Variants in KAZN observed in about 807,000 individuals in gnomAD.
KAZN encodes the protein kazrin.
In KAZN, 40 loss-of-function variants were observed where a neutral mutation model predicts 87.4. The ratio of observed to expected loss-of-function variants is 0.46; its 90% CI spans 0.36 to 0.60. The LOEUF is 0.60. Among genes scored for constraint, KAZN ranks in the 20% least tolerant of loss-of-function variants. KAZN has a pLI of 0.00. For missense variants in KAZN, 898 were observed against 1,073.9 expected (o/e 0.84, Z 2.29); for synonymous variants, 466 against 458.3 (o/e 1.02, Z -0.22).
At chr1:14,368,506 A>G (rs1315779775) in intron 2 of KAZN, among the ~76,000 whole-genome samples, 1 of 152,194 alleles carries the variant, frequency 6.6e-6, no homozygotes, top group East Asian at 1.9e-4. Context: ...CAGCTTTCAC[A>G]ATTTACACAT....
intron 1 of KAZN, among the ~76,000 whole-genome samples, chr1:14,046,794 A>T (rs903378552): frequency 6.6e-6 from 1 of 152,248 alleles, no homozygotes; most frequent in Admixed American, 6.5e-5. Flanking sequence ...TCTCAAGGTC[A>T]TCTGGCAGCA....
At chr1:14,260,896 G>A (rs1223678557) in intron 2 of KAZN, among the ~76,000 whole-genome samples, 1 of 152,136 alleles carries the variant, frequency 6.6e-6, no homozygotes, top group Non-Finnish European at 1.5e-5. Flanking sequence ...TTGAAATGAG[G>A]CAGACGGCCT....
intron 1 of KAZN, among the ~76,000 whole-genome samples, chr1:14,706,357 T>C (rs1328242299): frequency 2.0e-5 from 3 of 152,106 alleles, no homozygotes; most frequent in African/African-American, 7.2e-5. Flanking sequence ...GGAAAACCTG[T>C]CTTCCATGAA....
At chr1:14,928,868 C>T (rs1007063375) in intron 1 of KAZN, among the ~76,000 whole-genome samples, 1 of 152,158 alleles carries the variant, frequency 6.6e-6, no homozygotes, top group African/African-American at 2.4e-5. Context: ...TGGTCCGGCA[C>T]CCTCTGCCCT....
intron 1 of KAZN, among the ~76,000 whole-genome samples, chr1:14,009,160 G>C (rs188798787): frequency 2.0e-5 from 3 of 152,300 alleles, no homozygotes; most frequent in African/African-American, 7.2e-5. Context: ...TTCTAAGGCT[G>C]AATAATATTC....
chr1:14,330,236 C>T (rs1490280363), intron 2 of KAZN, among the ~76,000 whole-genome samples: 1 of 152,112 alleles, frequency 6.6e-6, no homozygotes, highest in Non-Finnish European at 1.5e-5. Flanking sequence ...AAAATTAATC[C>T]ATCTTACTGT....
chr1:14,977,517 C>T (rs1460046786), intron 2 of KAZN, among the ~76,000 whole-genome samples: 3 of 152,258 alleles, frequency 2.0e-5, no homozygotes, highest in African/African-American at 7.2e-5. Context: ...CCAGATCCAC[C>T]TGTGGAATGC....
At chr1:13,978,364 T>C (rs1402120157) in intron 1 of KAZN, among the ~76,000 whole-genome samples, 1 of 151,832 alleles carries the variant, frequency 6.6e-6, no homozygotes, top group Non-Finnish European at 1.5e-5. Flanking sequence ...GAAAGATCTA[T>C]AGTGATCCCA....
chr1:14,236,232 CT>C (rs1403145145), intron 2 of KAZN, among the ~76,000 whole-genome samples: 3 of 152,182 alleles, frequency 2.0e-5, no homozygotes, highest in African/African-American at 7.2e-5. Flanking sequence ...CCTGACTTCC[CT>C]TTTGCCTTCA....
chr1:14,112,052 C>CT lies in KAZN; in HGVS notation c.92-68382dup. Among the ~76,000 whole-genome samples, 3 of 152,200 alleles carry CT rather than the reference C, an allele frequency of 2.0e-5. No individual in the cohort carries two copies. In the Middle Eastern group the frequency reaches 0.01, roughly 518 times the overall value. On this transcript the variant is annotated intron_variant, in intron 1 of 16. Coordinates refer to the KAZN transcript ENST00000636203. ...CACGCTCAGCCCCTTTGCCTAGATT[C>CT]TAACTTCTGGCCTGGATTCCTGAGA...
intron 1 of KAZN, among the ~76,000 whole-genome samples, chr1:14,895,292 A>C (rs1306323449): frequency 6.6e-6 from 1 of 152,206 alleles, no homozygotes; most frequent in Non-Finnish European, 1.5e-5. Context: ...CATGCTGGGC[A>C]CACACTGCAG....
At chr1:14,998,149 C>CG (rs958747140) in intron 2 of KAZN, among the ~76,000 whole-genome samples, 5 of 148,450 alleles carry the variant, frequency 3.4e-5, no homozygotes, top group Admixed American at 2.0e-4. Flanking sequence ...GCACAGACGG[C>CG]GGGGGGGAGG....
chr1:14,264,460 G>A (rs551319982), intron 2 of KAZN, among the ~76,000 whole-genome samples: 11 of 152,258 alleles, frequency 7.2e-5, no homozygotes, highest in African/African-American at 2.6e-4. Context: ...TGAAGGTTCT[G>A]CCCTCACAAA....
rs548146809 is a variant in KAZN at position 14,376,614 on chromosome 1, A to G, written c.249+196022A>G. Among the ~76,000 whole-genome samples, 3 of 152,338 alleles carry G rather than the reference A, an allele frequency of 2.0e-5. No individual in the cohort carries two copies. The South Asian group carries it at 6.2e-4, about 32-fold the overall frequency. On this transcript the variant is annotated intron_variant, in intron 2 of 16. Coordinates refer to the KAZN transcript ENST00000636203. ...TATTATAAATTACTCAGTTTGTGGT[A>G]TTATCTTGTAACAATAAAAAATGGA... is the stretch of plus-strand genomic sequence containing the variant.
At chr1:14,887,113 C>T (rs991863673) in intron 1 of KAZN, among the ~76,000 whole-genome samples, 1 of 152,198 alleles carries the variant, frequency 6.6e-6, no homozygotes, top group Non-Finnish European at 1.5e-5. Context: ...TATTGGCAGA[C>T]GATCAATAAA....
At chr1:14,354,718 AGG>A (rs1194999188) in intron 2 of KAZN, among the ~76,000 whole-genome samples, 16 of 151,244 alleles carry the variant, frequency 1.1e-4, no homozygotes, top group African/African-American at 3.9e-4. Flanking sequence ...AATGTTGGCA[AGG>A]ACCTGGATCA....
At chr1:13,917,755 C>T (rs561000755) in intron 1 of KAZN, among the ~76,000 whole-genome samples, 34 of 136,064 alleles carry the variant, frequency 2.5e-4, no homozygotes, top group Middle Eastern at 8.5e-3. Context: ...TGTGTTTACA[C>T]GACAGCACTC....
At chr1:14,930,396 C>T (rs1234171428) in intron 1 of KAZN, among the ~76,000 whole-genome samples, 2 of 152,152 alleles carry the variant, frequency 1.3e-5, no homozygotes, top group Admixed American at 6.5e-5. Flanking sequence ...GCTGCTATTT[C>T]CCGGATGCTT....
At chr1:14,068,451 A>G (rs1643104841) in intron 1 of KAZN, among the ~76,000 whole-genome samples, 1 of 152,154 alleles carries the variant, frequency 6.6e-6, no homozygotes, top group Admixed American at 6.5e-5. Flanking sequence ...AGATTCTCAA[A>G]CTATGCCCCA....
Sources: allele counts gnomAD v4.1 joint callset (sites outside exome capture counted in the v4.1 genomes callset), GRCh38; gene constraint gnomAD v4.1.1; transcripts MANE v1.5; gene names NCBI Gene and HGNC (gene_info 2026-07-23, HGNC 2026-07-21).